The following AMMECR1L variants were observed in gnomAD, a reference collection of about 807,000 sequenced individuals.
AMMECR1L encodes AMMECR1 like, also known as AMMECR1-like protein.
A neutral mutation model predicts 36.8 loss-of-function variants in AMMECR1L; 4 were observed. That is an observed-to-expected ratio of 0.11 (90% CI 0.05 to 0.25). The LOEUF (loss-of-function observed/expected upper bound fraction) is 0.25. Ranked by LOEUF, AMMECR1L falls within the 10% of genes least tolerant of loss-of-function variation. The probability of loss-of-function intolerance (pLI) is 1.00; values close to 1 mark genes in which losing one functional copy is unlikely to be tolerated. For synonymous variants in AMMECR1L, 147 were observed against 148.0 expected, an observed-to-expected ratio of 0.99 and a Z score of 0.05; for missense variants, 232 against 392.1, an observed-to-expected ratio of 0.59 and a Z score of 3.45.
At chr2:127,885,015 T>C (rs913773437) in intron 1 of AMMECR1L, 14 of 360,426 alleles carry the variant, frequency 3.9e-5, no homozygotes, top group South Asian at 1.2e-4. Context: ...TGAGGGAGCA[T>C]GGCAAGGAGA....
chr2:127,866,819 T>C (rs1338104092), intron 7 of AMMECR1L, 81 bp downstream of exon 7: 1 of 1,326,712 alleles, frequency 7.5e-7, no homozygotes, highest in Admixed American at 1.9e-5. Context: ...CAGAGAACAC[T>C]TCTTCTCCAT....
intron 2 of AMMECR1L, among the ~76,000 whole-genome samples, chr2:127,876,773 T>A (rs1691261293): frequency 6.6e-6 from 1 of 152,056 alleles, no homozygotes. Context: ...AACCCAGTAC[T>A]TTGGGAGGCC....
intron 5 of AMMECR1L, 70 bp downstream of exon 5, chr2:127,870,744 A>T: frequency 2.6e-6 from 3 of 1,166,340 alleles, no homozygotes; most frequent in Non-Finnish European, 3.7e-6. Flanking sequence ...TGAAGGAGAT[A>T]CATTGCCATG....
At chr2:127,880,758 G>A (rs1691458474) in intron 2 of AMMECR1L, among the ~76,000 whole-genome samples, 1 of 143,688 alleles carries the variant, frequency 7.0e-6, no homozygotes, top group South Asian at 2.4e-4. Context: ...CTAACATGGT[G>A]CCCTACATAC....
Position 127,871,468 on chromosome 2 carries a change from G to GT in AMMECR1L, c.408-110dup. The GT allele has an allele frequency of 8.9e-7, 1 of 1,129,102 alleles. No homozygotes were observed. Among genetic ancestry groups the GT allele is most frequent in the Non-Finnish European group, 1.3e-6 (1 of 789,230 alleles). 69.9% of individuals were successfully genotyped at this position (1,129,102 alleles called of 1,614,324 possible). The stretch of plus-strand genomic sequence containing the variant: ...ATTTCTGTTATTGCCAAAAATCCCT[G>GT]TTTTTGGACTTGCCAGCTACCCGAA... On this transcript the variant is annotated intron_variant, in intron 3 of 7. Transcript: ENST00000272647. The surrounding 1 kb of genome is among the most constrained non-coding windows in gnomAD (Gnocchi z 4.3).
intron 5 of AMMECR1L, among the ~76,000 whole-genome samples, chr2:127,870,488 A>AAGC (rs1365192857): frequency 6.6e-6 from 1 of 151,920 alleles, no homozygotes; most frequent in Non-Finnish European, 1.5e-5. Context: ...AAAAAAAAAC[A>AAGC]AGCAAACAAA....
Position 127,869,510 on chromosome 2 carries a change from T to C in AMMECR1L, c.668A>G (p.Asn223Ser). 1 of 1,614,184 alleles carries C rather than the reference T, an allele frequency of 6.2e-7. No individual in the cohort carries two copies. The highest frequency in any genetic ancestry group is 8.5e-7 in the Non-Finnish European group (1 of 1,180,006). ...GVHGIRIEFI[N>S]EKGVKRTATY... The stretch of plus-strand genomic sequence containing the variant: ...GGCTGTGCGTTTGACACCTTTTTCA[T>C]TAATGAATTCAATTCGAATCCCATG... The change falls in exon 6 of 8, where the codon AAT becomes AGT. Residue 223 changes from asparagine to serine, a missense_variant. By Grantham distance (46) the Asn-to-Ser change is conservative (BLOSUM62 1). Coordinates refer to ENST00000272647, the MANE Select transcript of AMMECR1L (RefSeq NM_001199140.2). The surrounding 1 kb of genome is among the most constrained non-coding windows in gnomAD (Gnocchi z 4.7).
rs376671393 is a variant in AMMECR1L, at chr2:127,866,971, G to A, written c.750C>T (p.Asp250=). Reference sequence around the variant, plus strand: ...TAAAGCCACCTTTCCTGAGCAAGGAGTCTATTGTCTGGATCTGATCCCAGT... The same window carrying A: ...TAAAGCCACCTTTCCTGAGCAAGGAATCTATTGTCTGGATCTGATCCCAGT... ...EQDWDQIQTI[D]SLLRKGGFKA... The change falls in exon 7 of 8, where the codon GAC becomes GAT. Residue 250 remains aspartate, a synonymous_variant. Coordinates refer to ENST00000272647, the MANE Select transcript of AMMECR1L (RefSeq NM_001199140.2). The A allele has an allele frequency of 6.2e-7, 1 of 1,614,228 alleles. No homozygotes were observed.
chr2:127,866,536 G>A (rs1176300640), intron 7 of AMMECR1L, among the ~76,000 whole-genome samples: 4 of 152,134 alleles, frequency 2.6e-5, no homozygotes, highest in African/African-American at 4.8e-5. Context: ...ATCTCCTGCC[G>A]TCTGACTACA....
chr2:127,878,109 A>G (rs966332930), intron 2 of AMMECR1L, among the ~76,000 whole-genome samples: 1 of 152,190 alleles, frequency 6.6e-6, no homozygotes. Flanking sequence ...TATGTTAAGA[A>G]CTAATCTAAC....
At chr2:127,883,791 T>C (rs1691627036) in intron 2 of AMMECR1L, among the ~76,000 whole-genome samples, 1 of 152,206 alleles carries the variant, frequency 6.6e-6, no homozygotes, top group Admixed American at 6.5e-5. Context: ...GTTCCAAAAG[T>C]CTCTCAGGAC....
Position 127,861,925 on chromosome 2 carries a change from G to A in AMMECR1L, c.*3169C>T, listed in dbSNP as rs1034187931. 2 of 152,530 alleles carry A rather than the reference G, an allele frequency of 1.3e-5. No individual in the cohort carries two copies. Among genetic ancestry groups the A allele is most frequent in the Non-Finnish European group, 2.9e-5 (2 of 68,016 alleles). 9.4% of individuals were successfully genotyped at this position (152,530 alleles called of 1,614,324 possible). ...TCTTGTGCAAAATATTAACACCCAGGACTTCTTTTGTATAGATGATTTTTA... is the reference window on the plus strand; with the variant it reads ...TCTTGTGCAAAATATTAACACCCAGAACTTCTTTTGTATAGATGATTTTTA... On this transcript the variant is annotated 3_prime_UTR_variant, in exon 8 of 8. Coordinates refer to ENST00000272647, the MANE Select transcript of AMMECR1L (RefSeq NM_001199140.2).
intron 6 of AMMECR1L, among the ~76,000 whole-genome samples, chr2:127,867,713 T>G (rs1174111438): frequency 6.6e-6 from 1 of 150,970 alleles, no homozygotes; most frequent in Non-Finnish European, 1.5e-5. Flanking sequence ...ACCACCGCAC[T>G]CCAGCCTGGG....
At chr2:127,880,261 A>T in intron 2 of AMMECR1L, among the ~76,000 whole-genome samples, 1 of 152,202 alleles carries the variant, frequency 6.6e-6, no homozygotes. Flanking sequence ...GCTCAGCTCA[A>T]GGGCCATGGT....
At position 127,865,299 on chromosome 2, in the gene AMMECR1L, T is replaced by C; in HGVS notation, c.822-94A>G. 2.8e-6 allele frequency: 2 copies of C among 708,344 alleles called. No individual in the cohort carries two copies. The highest frequency in any genetic ancestry group is 4.5e-6 in the Non-Finnish European group (2 of 447,534). The allele number at this position is 708,344 out of a possible 1,614,324, so 43.9% of individuals were successfully genotyped here. On this transcript the variant is annotated intron_variant, in intron 7 of 7. Coordinates refer to ENST00000272647, the MANE Select transcript of AMMECR1L (RefSeq NM_001199140.2). This position sits in a 1 kb window ranked among gnomAD's most constrained non-coding sequence, Gnocchi z 5.4. ...GAAAAACCAAAAGCTTATTCCACAT[T>C]TTGAAAGAATAAAATGGAAGACCAA...
rs1211735117 is a variant in AMMECR1L at position 127,862,543 on chromosome 2, A to G, written c.*2551T>C. 1 of 153,508 alleles carries G rather than the reference A, an allele frequency of 6.5e-6. No homozygotes were observed. Among genetic ancestry groups the G allele is most frequent in the Non-Finnish European group, 1.5e-5 (1 of 68,042 alleles). 9.5% of individuals were successfully genotyped at this position (153,508 alleles called of 1,614,324 possible). A position where few individuals can be genotyped will look rare whatever the true frequency, so the allele number is the denominator to read the frequency against. The stretch of plus-strand genomic sequence containing the variant: ...GGCGACCGTGACCGTACACTTCTAG[A>G]CCGCTTCCTGACTAGGCCCCGTTCA... On this transcript the variant is annotated 3_prime_UTR_variant, in exon 8 of 8. Coordinates refer to ENST00000272647, the MANE Select transcript of AMMECR1L (RefSeq NM_001199140.2).
intron 2 of AMMECR1L, among the ~76,000 whole-genome samples, chr2:127,882,827 C>T (rs189475866): frequency 2.9e-4 from 44 of 151,652 alleles, no homozygotes; most frequent in African/African-American, 1.0e-3. Context: ...TTTTGAACTT[C>T]TGGCTTCAAG....
rs1690949123 is a variant in AMMECR1L at position 127,871,169 on chromosome 2, C to T, written c.518+80G>A. On this transcript the variant is annotated intron_variant, in intron 4 of 7. Transcript: ENST00000272647. This position sits in a 1 kb window ranked among gnomAD's most constrained non-coding sequence, Gnocchi z 4.3. Reference sequence around the variant, plus strand: ...CAAAAAGAGAAAGCTCAACGTACATCACTTAGAAGAAATAAAGTCAGGCAG... The same window carrying T: ...CAAAAAGAGAAAGCTCAACGTACATTACTTAGAAGAAATAAAGTCAGGCAG... 3.4e-6 allele frequency: 5 copies of T among 1,454,486 alleles called. No homozygotes were observed. The highest frequency in any genetic ancestry group is 1.4e-5 in the African/African-American group (1 of 71,806). The allele number at this position is 1,454,486 out of a possible 1,614,324, so 90.1% of individuals were successfully genotyped here.
At chr2:127,866,474 T>C (rs1317614531) in intron 7 of AMMECR1L, among the ~76,000 whole-genome samples, 1 of 152,226 alleles carries the variant, frequency 6.6e-6, no homozygotes, top group Non-Finnish European at 1.5e-5. Flanking sequence ...TCCCCACAAA[T>C]GAGAGGCATT....
Sources: allele counts gnomAD v4.1 joint callset (sites outside exome capture counted in the v4.1 genomes callset), GRCh38; gene constraint gnomAD v4.1.1; non-coding constraint Gnocchi (gnomAD v3.1); transcripts MANE v1.5; gene names NCBI Gene and HGNC (gene_info 2026-07-23, HGNC 2026-07-21).